PTPRD: variants seen among roughly 807,000 people sequenced by gnomAD.
PTPRD encodes the protein receptor-type tyrosine-protein phosphatase delta.
In PTPRD, 34 loss-of-function variants were observed where a neutral mutation model predicts 214.5. The ratio of observed to expected loss-of-function variants is 0.16; its 90% CI spans 0.12 to 0.21. The LOEUF (loss-of-function observed/expected upper bound fraction) is 0.21, where lower values mean the gene tolerates loss of function less well. Among genes scored for constraint, PTPRD ranks in the 10% least tolerant of loss-of-function variants. The pLI is 1.00. For missense variants in PTPRD, 2,545 were observed against 2,398.7 expected, an observed-to-expected ratio of 1.06 and a Z score of -1.27; for synonymous variants, 1,128 against 845.7, an observed-to-expected ratio of 1.33 and a Z score of -5.79.
intron 37 of PTPRD, among the ~76,000 whole-genome samples, chr9:8,387,406 T>A (rs2135535412): frequency 6.6e-6 from 1 of 152,322 alleles, no homozygotes; most frequent in East Asian, 1.9e-4. Context: ...GGGGCAGAAT[T>A]TCATTTGGTT....
At chr9:10,191,593 GT>G (rs1399902676) in intron 3 of PTPRD, among the ~76,000 whole-genome samples, 1 of 152,064 alleles carries the variant, frequency 6.6e-6, no homozygotes, top group Non-Finnish European at 1.5e-5. Flanking sequence ...CACAAACTAA[GT>G]TTTTAGATAT....
intron 2 of PTPRD, among the ~76,000 whole-genome samples, chr9:10,556,949 A>G (rs909581082): frequency 6.6e-6 from 1 of 152,150 alleles, no homozygotes; most frequent in Non-Finnish European, 1.5e-5. Context: ...TACAAGTAAT[A>G]TATCAGTTAA....
intron 5 of PTPRD, among the ~76,000 whole-genome samples, chr9:9,804,689 T>C (rs955272905): frequency 6.6e-6 from 1 of 152,070 alleles, no homozygotes; most frequent in Non-Finnish European, 1.5e-5. Context: ...AGGCATTTAA[T>C]CTAAACAAGA....
intron 9 of PTPRD, among the ~76,000 whole-genome samples, chr9:9,307,282 G>C (rs1241544532): frequency 1.3e-5 from 2 of 152,018 alleles, no homozygotes; most frequent in East Asian, 1.9e-4. Context: ...ATATAAATTT[G>C]GTTCAGTTTC....
intron 3 of PTPRD, among the ~76,000 whole-genome samples, chr9:10,205,492 A>C (rs2099467931): frequency 6.6e-6 from 1 of 151,444 alleles, no homozygotes; most frequent in Non-Finnish European, 1.5e-5. Flanking sequence ...TGCAACCTCC[A>C]CCTCCCAGAT....
chr9:8,878,382 G>A (rs1330867641), intron 11 of PTPRD, among the ~76,000 whole-genome samples: 1 of 152,152 alleles, frequency 6.6e-6, no homozygotes, highest in Non-Finnish European at 1.5e-5. Flanking sequence ...ACCAGTAAGT[G>A]GGGCTAAGGT....
At chr9:9,563,600 G>T (rs1652637199) in intron 8 of PTPRD, among the ~76,000 whole-genome samples, 1 of 152,102 alleles carries the variant, frequency 6.6e-6, no homozygotes, top group Non-Finnish European at 1.5e-5. Flanking sequence ...CACATTCAGA[G>T]GATCAGGACA....
intron 11 of PTPRD, among the ~76,000 whole-genome samples, chr9:8,913,139 A>G (rs1245756285): frequency 6.6e-6 from 1 of 152,078 alleles, no homozygotes; most frequent in Non-Finnish European, 1.5e-5. Context: ...TTAAAAAAAA[A>G]CTTTATGAAC....
chr9:10,414,845 G>A (rs2098471862), intron 2 of PTPRD, among the ~76,000 whole-genome samples: 1 of 151,862 alleles, frequency 6.6e-6, no homozygotes, highest in East Asian at 2.0e-4. Flanking sequence ...AAACAGAAAG[G>A]CAAATACCAC....
chr9:9,275,062 T>TGGA (rs1944477328), intron 9 of PTPRD, among the ~76,000 whole-genome samples: 1 of 66,468 alleles, frequency 1.5e-5, no homozygotes, highest in Non-Finnish European at 2.8e-5. Context: ...TATGTATATA[T>TGGA]ATATTATATA....
At position 10,228,608 on chromosome 9, in the gene PTPRD, T is replaced by A. The variant is rs866448674; in HGVS notation, c.-545+112355A>T. 1.1e-4 allele frequency among the ~76,000 whole-genome samples: 16 copies of A among 151,810 alleles called. 1 individual carries two copies. Among genetic ancestry groups the A allele is most frequent in the Non-Finnish European group, 4.4e-5 (3 of 67,900 alleles). ...ATCAGCTACCTATTCCTCATGATTC[T>A]TGTAAAGGTATATTTTTTTCACCTG... On this transcript the variant is annotated intron_variant, in intron 3 of 45. Transcript: ENST00000381196.
At chr9:9,900,480 C>G (rs4629931) in intron 5 of PTPRD, among the ~76,000 whole-genome samples, 40,480 of 151,822 alleles carry the variant, frequency 0.27, 7,070 homozygotes, top group African/African-American at 0.5. Flanking sequence ...TCTTCATCAG[C>G]CTTACCTTCA....
intron 9 of PTPRD, among the ~76,000 whole-genome samples, chr9:9,222,632 G>C (rs1190134770): frequency 6.6e-6 from 1 of 151,944 alleles, no homozygotes. Flanking sequence ...CACGAAAACA[G>C]ATGAAATATG....
chr9:9,967,258 C>T (rs1010293535), intron 4 of PTPRD, among the ~76,000 whole-genome samples: 29 of 151,932 alleles, frequency 1.9e-4, no homozygotes, highest in African/African-American at 7.0e-4. Flanking sequence ...GAATTACATG[C>T]ACTACACTGA....
At chr9:9,384,736 C>G (rs1227473877) in intron 9 of PTPRD, among the ~76,000 whole-genome samples, 1 of 151,928 alleles carries the variant, frequency 6.6e-6, no homozygotes, top group Admixed American at 6.6e-5. Flanking sequence ...ATTATACAGA[C>G]TTTCTATTAT....
At chr9:9,220,393 G>T (rs2099955120) in intron 9 of PTPRD, among the ~76,000 whole-genome samples, 1 of 150,698 alleles carries the variant, frequency 6.6e-6, no homozygotes, top group South Asian at 2.1e-4. Flanking sequence ...AAGCATTACT[G>T]ATAAATCTTA....
At chr9:8,987,374 G>C (rs1402309004) in intron 11 of PTPRD, among the ~76,000 whole-genome samples, 1 of 152,070 alleles carries the variant, frequency 6.6e-6, no homozygotes, top group African/African-American at 2.4e-5. Context: ...GCAGGAGCAT[G>C]CGTTGCAGTA....
intron 3 of PTPRD, among the ~76,000 whole-genome samples, chr9:10,224,564 C>T (rs945184322): frequency 2.0e-5 from 3 of 152,074 alleles, no homozygotes; most frequent in African/African-American, 7.2e-5. Context: ...TCTGCCATGC[C>T]TATCCTTTTG....
chr9:9,375,945 T>C (rs1251755386), intron 9 of PTPRD, among the ~76,000 whole-genome samples: 1 of 152,194 alleles, frequency 6.6e-6, no homozygotes, highest in Admixed American at 6.5e-5. Flanking sequence ...ACTTGCATGT[T>C]ACACATATTT....
Sources: allele counts gnomAD v4.1 joint callset (sites outside exome capture counted in the v4.1 genomes callset), GRCh38; gene constraint gnomAD v4.1.1; transcripts MANE v1.5; gene names NCBI Gene and HGNC (gene_info 2026-07-23, HGNC 2026-07-21).